GOLGA8T: variants seen among roughly 807,000 people sequenced by gnomAD.
The protein encoded by GOLGA8T is golgin subfamily A member 8T.
Under a neutral mutation model 52.0 loss-of-function variants are expected in GOLGA8T, and 17 were observed. The observed-to-expected ratio is 0.33, with a 90% CI of 0.22 to 0.49. The LOEUF (loss-of-function observed/expected upper bound fraction) is 0.49. GOLGA8T is among the 20% of genes least tolerant of loss of function. The probability of loss-of-function intolerance (pLI) is 0.99; values close to 1 mark genes in which losing one functional copy is unlikely to be tolerated. For missense variants in GOLGA8T, 154 were observed against 462.1 expected (o/e 0.33, Z 6.11); for synonymous variants, 67 against 169.5 (o/e 0.40, Z 4.70).
chr15:30,142,439 A>C lies in GOLGA8T; in HGVS notation c.1200+57A>C, dbSNP rs2338477. ...AGAAGGGCTGGGAGGCGGGCAGCAG[A>C]CTCTGGGGAGGGGAGGTACGAGGCC... On this transcript the variant is annotated intron_variant, in intron 13 of 18. Transcript: ENST00000569052. 185 of 1,581,498 alleles carry C rather than the reference A, an allele frequency of 1.2e-4. 4 individuals carry two copies. Among genetic ancestry groups the C allele is most frequent in the Admixed American group, 6.4e-4 (37 of 57,888 alleles).
chr15:30,146,964 TC>T lies in GOLGA8T; in HGVS notation c.*1398del, dbSNP rs2057834440. On this transcript the variant is annotated 3_prime_UTR_variant, in exon 19 of 19. Coordinates refer to ENST00000569052, the MANE Select transcript of GOLGA8T (RefSeq NM_001355469.2). Reference sequence around the variant, plus strand: ...AAAATGTGTACAAACTGCAGTGCAATCTACTGTTCGTGAATGTCAATGTATT... The same window carrying T: ...AAAATGTGTACAAACTGCAGTGCAATTACTGTTCGTGAATGTCAATGTATT... 8.1e-6 allele frequency among the ~76,000 whole-genome samples: 1 copy of T among 122,710 alleles called. No individual in the cohort carries two copies. The highest frequency in any genetic ancestry group is 1.5e-5 in the Non-Finnish European group (1 of 65,034). The allele number at this position is 122,710 out of a possible 152,430, so 80.5% of individuals were successfully genotyped here.
intron 13 of GOLGA8T, among the ~76,000 whole-genome samples, 191 bp downstream of exon 13, chr15:30,142,573 C>G (rs1029384971): frequency 6.9e-6 from 1 of 144,690 alleles, no homozygotes; most frequent in Non-Finnish European, 1.5e-5. Context: ...GGGATCCTCT[C>G]AGGTCTGGAC....
At chr15:30,137,480 CTT>C (rs1198784831) in intron 2 of GOLGA8T, among the ~76,000 whole-genome samples, 3 of 127,406 alleles carry the variant, frequency 2.4e-5, no homozygotes, top group Non-Finnish European at 4.8e-5. Context: ...TCGGGCCTCT[CTT>C]TTCACATCTG....
rs1346205288 is a variant in GOLGA8T at position 30,137,282 on chromosome 15, G to A, written c.168+297G>A. On this transcript the variant is annotated intron_variant, in intron 2 of 18. Coordinates refer to ENST00000569052, the MANE Select transcript of GOLGA8T (RefSeq NM_001355469.2). ...AGTCCCAGCTACTCAGAAGGCTGAG[G>A]CAAGAGAATGGTGTGAACCTGGGAG... is the stretch of plus-strand genomic sequence containing the variant. Among the ~76,000 whole-genome samples the A allele has an allele frequency of 3.7e-3, 531 of 143,882 alleles. 7 individuals are homozygous for A. Among genetic ancestry groups the A allele is most frequent in the Non-Finnish European group, 6.2e-3 (411 of 66,362 alleles). 94.4% of individuals were successfully genotyped at this position (143,882 alleles called of 152,430 possible).
chr15:30,142,454 G>A, intron 13 of GOLGA8T, 72 bp downstream of exon 13: 1 of 1,577,768 alleles, frequency 6.3e-7, no homozygotes, highest in Non-Finnish European at 8.5e-7. Flanking sequence ...GGGGAGGGGA[G>A]GTACGAGGCC....
chr15:30,140,222 C>A, intron 8 of GOLGA8T: 1 of 439,832 alleles, frequency 2.3e-6, no homozygotes, highest in Non-Finnish European at 4.1e-6. Context: ...TGCAAGGGTT[C>A]ATAAAAAAGT....
In GOLGA8T at chr15:30,141,163, C is replaced by G. The variant is rs202149790; in HGVS notation, c.786+21C>G. 4,240 of 967,062 alleles carry G rather than the reference C, an allele frequency of 4.4e-3. 220 individuals are homozygous for G. The highest frequency in any genetic ancestry group is 0.012 in the Middle Eastern group (37 of 3,114). 59.9% of individuals were successfully genotyped at this position (967,062 alleles called of 1,614,324 possible). A position where few individuals can be genotyped will look rare whatever the true frequency, so the allele number is the denominator to read the frequency against. ...AGGAGGTGAGATCTGACCCTTCAGC[C>G]CCCCCACATTAGATAGGTCACTGGA... On this transcript the variant is annotated intron_variant, in intron 10 of 18. Coordinates refer to ENST00000569052, the MANE Select transcript of GOLGA8T (RefSeq NM_001355469.2).
At chr15:30,137,640 CA>C (rs1290586778) in intron 2 of GOLGA8T, among the ~76,000 whole-genome samples, 2 of 129,212 alleles carry the variant, frequency 1.5e-5, no homozygotes, top group East Asian at 2.2e-4. Context: ...TCCCCAGTCT[CA>C]GGGGGAAACC....
At chr15:30,142,504 C>A in intron 13 of GOLGA8T, 122 bp downstream of exon 13, 7 of 1,512,550 alleles carry the variant, frequency 4.6e-6, no homozygotes, top group African/African-American at 1.5e-5. Flanking sequence ...ACCACAGCAC[C>A]CCCCAGGGCA....
Position 30,139,716 on chromosome 15 carries a change from C to A in GOLGA8T, c.523C>A (p.Gln175Lys). 3.0e-6 allele frequency: 1 copy of A among 329,382 alleles called. No homozygotes were observed. The highest frequency in any genetic ancestry group is 5.9e-5 in the Admixed American group (1 of 16,988). The allele number at this position is 329,382 out of a possible 1,614,324, so 20.4% of individuals were successfully genotyped here. The change falls in exon 8 of 19, where the codon CAG (glutamine) becomes AAG (lysine). Residue 175 changes from glutamine to lysine, a missense_variant. By Grantham distance (53) the Gln-to-Lys change is moderately conservative. Around this residue, in one of 6 missense-constraint regions of GOLGA8T, gnomAD observed 56 missense variants for 134.2 expected, o/e 0.42. Coordinates refer to ENST00000569052, the MANE Select transcript of GOLGA8T (RefSeq NM_001355469.2). ...DLAVRLQHSL[Q>K]RKGELESVLS... ...GGCTGTCCGCCTGCAACATTCATTG[C>A]AGCGTAAAGGAGAGTTAGAGAGTGT...
Position 30,142,337 on chromosome 15 carries a change from G to T in GOLGA8T, c.1155G>T (p.Leu385=). The change falls in exon 13 of 19, where the codon CTG becomes CTT. Residue 385 remains leucine (L), a synonymous_variant. Transcript: ENST00000569052. The part of the protein sequence containing the change: ...EEPNNENKNA[L]QLEQQVKELQ... Reference sequence around the variant, plus strand: ...AGAACAATGAGAACAAGAACGCACTGCAGTTGGAGCAGCAAGTAAAGGAGC... The same window carrying T: ...AGAACAATGAGAACAAGAACGCACTTCAGTTGGAGCAGCAAGTAAAGGAGC... 1 of 1,546,764 alleles carries T rather than the reference G, an allele frequency of 6.5e-7. No homozygotes were observed. The highest frequency in any genetic ancestry group is 1.1e-5 in the South Asian group (1 of 87,742).
chr15:30,141,230 G>T lies in GOLGA8T; in HGVS notation c.786+88G>T. ...TAAAATGGGAATAGTAGAGCCAGAGGTGGTCATGGGTCTGGGCTTTGTGGA... is the reference window on the plus strand; with the variant it reads ...TAAAATGGGAATAGTAGAGCCAGAGTTGGTCATGGGTCTGGGCTTTGTGGA... On this transcript the variant is annotated intron_variant, in intron 10 of 18. Transcript: ENST00000569052. 13 of 1,325,802 alleles carry T rather than the reference G, an allele frequency of 9.8e-6. 2 individuals carry two copies. The highest frequency in any genetic ancestry group is 1.3e-5 in the Non-Finnish European group (13 of 970,396). 82.1% of individuals were successfully genotyped at this position (1,325,802 alleles called of 1,614,324 possible). A position where few individuals can be genotyped will look rare whatever the true frequency, so the allele number is the denominator to read the frequency against.
chr15:30,140,608 A>G lies in GOLGA8T; in HGVS notation c.592-234A>G, dbSNP rs1338708068. 1.3e-4 allele frequency among the ~76,000 whole-genome samples: 19 copies of G among 143,148 alleles called. No individual in the cohort carries two copies. The East Asian group carries it at 3.8e-3, about 28-fold the overall frequency. The allele number at this position is 143,148 out of a possible 152,430, so 93.9% of individuals were successfully genotyped here. On this transcript the variant is annotated intron_variant, in intron 8 of 18. Transcript: ENST00000569052. Reference sequence around the variant, plus strand: ...AGTGGTAATAATAACAGTAATAACAATAGCAATATTATCTGATCTCTCTGG... The same window carrying G: ...AGTGGTAATAATAACAGTAATAACAGTAGCAATATTATCTGATCTCTCTGG...
intron 2 of GOLGA8T, among the ~76,000 whole-genome samples, chr15:30,137,357 C>A (rs1197669954): frequency 1.9e-5 from 2 of 103,094 alleles, no homozygotes; most frequent in Admixed American, 1.0e-4. Context: ...AGCCTGGTGA[C>A]AGAGCAAGAC....
chr15:30,141,270 G>GGGAGAGGGCAGCCTGTCCA (rs2057740295), intron 10 of GOLGA8T, 68 bp from the exon 11 acceptor site: 1 of 1,548,390 alleles, frequency 6.5e-7, no homozygotes, highest in Non-Finnish European at 8.6e-7. Flanking sequence ...GGGGCAGAGA[G>GGGAGAGGGCAGCCTGTCCA]GGAGAGGGCA....
In GOLGA8T at chr15:30,145,581, C is replaced by G. The variant is rs2057818844; in HGVS notation, c.*14C>G. On this transcript the variant is annotated 3_prime_UTR_variant, in exon 19 of 19. Coordinates refer to ENST00000569052, the MANE Select transcript of GOLGA8T (RefSeq NM_001355469.2). ...AGAAGGAGATAAACATCACCATCCTCAAAGAGCTGCTCAAGAAATTTTTAA... is the reference window on the plus strand; with the variant it reads ...AGAAGGAGATAAACATCACCATCCTGAAAGAGCTGCTCAAGAAATTTTTAA... 3 of 1,419,328 alleles carry G rather than the reference C, an allele frequency of 2.1e-6. 1 individual carries two copies. The Admixed American group carries it at 5.5e-5, about 26-fold the overall frequency. The allele number at this position is 1,419,328 out of a possible 1,614,324, so 87.9% of individuals were successfully genotyped here. A position where few individuals can be genotyped will look rare whatever the true frequency, so the allele number is the denominator to read the frequency against.
In GOLGA8T at chr15:30,141,344, A is replaced by T; in HGVS notation, c.793A>T (p.Thr265Ser). ...RMRKMSQEIC[T>S]LKKEKQQDMR... is the part of the protein sequence containing the mutation. ...CCCCTTGTGCTTTGGGCAGATTTGCACATTAAAGAAAGAGAAGCAGCAAGA... is the reference window on the plus strand; with the variant it reads ...CCCCTTGTGCTTTGGGCAGATTTGCTCATTAAAGAAAGAGAAGCAGCAAGA... The change falls in exon 11 of 19, where the codon ACA becomes TCA. Residue 265 changes from threonine to serine, a missense_variant. By Grantham distance (58) the Thr-to-Ser change is moderately conservative (BLOSUM62 1). This residue lies in a region of GOLGA8T where 56 missense variants were observed against 134.2 expected (regional missense o/e 0.42). Transcript: ENST00000569052. 6.5e-7 allele frequency: 1 copy of T among 1,547,940 alleles called. No homozygotes were observed. Among genetic ancestry groups the T allele is most frequent in the Non-Finnish European group, 8.6e-7 (1 of 1,158,904 alleles).
rs201616112 is a variant in GOLGA8T, at chr15:30,142,465, A to C, written c.1200+83A>C. The C allele has an allele frequency of 5.8e-5, 91 of 1,569,256 alleles. 3 individuals are homozygous for C. In the Admixed American group the frequency reaches 1.2e-3, roughly 21 times the overall value. Reference sequence around the variant, plus strand: ...CTCTGGGGAGGGGAGGTACGAGGCCAGAGGCAGCTTCCAGCCTGGGGGCTG... The same window carrying C: ...CTCTGGGGAGGGGAGGTACGAGGCCCGAGGCAGCTTCCAGCCTGGGGGCTG... On this transcript the variant is annotated intron_variant, in intron 13 of 18. Coordinates refer to ENST00000569052, the MANE Select transcript of GOLGA8T (RefSeq NM_001355469.2).
chr15:30,142,452 G>C, intron 13 of GOLGA8T, 70 bp downstream of exon 13: 6 of 1,578,308 alleles, frequency 3.8e-6, no homozygotes, highest in Non-Finnish European at 5.1e-6. Context: ...CTGGGGAGGG[G>C]AGGTACGAGG....
Sources: gnomAD v4.1 joint callset for allele counts (sites outside exome capture counted in the v4.1 genomes callset) on GRCh38, gnomAD v4.1.1 for gene constraint, gnomAD v4.1.1 regional missense constraint, MANE v1.5 for transcripts, NCBI Gene and HGNC (gene_info 2026-07-23, HGNC 2026-07-21) for gene names.